Variants in CRTC1 observed in about 807,000 individuals in gnomAD.
The protein encoded by CRTC1 is CREB-regulated transcription coactivator 1.
In CRTC1, 18 loss-of-function variants were observed where a neutral mutation model predicts 66.1. The observed-to-expected ratio is 0.27, with a 90% CI of 0.19 to 0.40. The LOEUF (loss-of-function observed/expected upper bound fraction) is 0.40, where lower values mean the gene tolerates loss of function less well. Among genes scored for constraint, CRTC1 ranks in the 10% least tolerant of loss-of-function variants. The probability of loss-of-function intolerance (pLI) is 1.00; values close to 1 mark genes in which losing one functional copy is unlikely to be tolerated. For synonymous variants in CRTC1, 416 were observed against 398.8 expected (o/e 1.04, Z -0.51); for missense variants, 669 against 887.9 (o/e 0.75, Z 3.13).
chr19:18,772,021 A>G (rs2054881062), intron 11 of CRTC1, among the ~76,000 whole-genome samples: 6 of 152,110 alleles, frequency 3.9e-5, no homozygotes, highest in Admixed American at 3.9e-4. Flanking sequence ...CTCCAGAACC[A>G]CTGGCCCAGG....
chr19:18,737,795 G>A (rs1255847561), intron 1 of CRTC1, among the ~76,000 whole-genome samples: 1 of 139,562 alleles, frequency 7.2e-6, no homozygotes, highest in East Asian at 2.2e-4. Flanking sequence ...CCAGCTCTAC[G>A]TGAAGGACGG....
chr19:18,749,632 G>A (rs2054319254), intron 4 of CRTC1, 149 bp from the exon 5 acceptor site: 1 of 646,850 alleles, frequency 1.5e-6, no homozygotes, highest in Admixed American at 2.5e-5. Flanking sequence ...TTTAGAATGA[G>A]GTCCCGAGAG....
At chr19:18,724,121 G>A (rs939053209) in intron 1 of CRTC1, among the ~76,000 whole-genome samples, 1 of 152,154 alleles carries the variant, frequency 6.6e-6, no homozygotes, top group Non-Finnish European at 1.5e-5. Context: ...GGCTCCAGGC[G>A]GGAACCGGCG....
rs559346021 is a variant in CRTC1 at position 18,774,848 on chromosome 19, T to C, written c.1426-52T>C. 8 of 1,584,378 alleles carry C rather than the reference T, an allele frequency of 5.0e-6. No homozygotes were observed. In the East Asian group the frequency reaches 1.6e-4, roughly 31 times the overall value. ...CCAGCCGGGCTTGGGAGGTGCCGAC[T>C]TCCCACCTGGCCTCAGGCCGTGACC... On this transcript the variant is annotated intron_variant, in intron 11 of 13. Coordinates refer to ENST00000321949, the MANE Select transcript of CRTC1 (RefSeq NM_015321.3).
chr19:18,740,123 C>T (rs1444291163), intron 1 of CRTC1, among the ~76,000 whole-genome samples: 6 of 151,934 alleles, frequency 3.9e-5, no homozygotes, highest in Non-Finnish European at 7.4e-5. Flanking sequence ...TGTGGTGTTG[C>T]ATACCTGTAA....
chr19:18,696,238 G>A (rs1600764008), intron 1 of CRTC1, among the ~76,000 whole-genome samples: 1 of 152,088 alleles, frequency 6.6e-6, no homozygotes, highest in South Asian at 2.1e-4. Context: ...GGAGTTGGCC[G>A]GCTGGTCAGG....
intron 1 of CRTC1, among the ~76,000 whole-genome samples, chr19:18,702,636 C>G (rs1334044557): frequency 6.6e-6 from 1 of 150,812 alleles, no homozygotes; most frequent in Non-Finnish European, 1.5e-5. Context: ...CGGGTTCAAG[C>G]GATTCTCCTG....
intron 4 of CRTC1, among the ~76,000 whole-genome samples, chr19:18,747,487 A>T (rs965318484): frequency 2.9e-4 from 44 of 151,932 alleles, no homozygotes; most frequent in African/African-American, 9.9e-4. Flanking sequence ...AAATACAAAA[A>T]TTTGCCAGCA....
intron 1 of CRTC1, among the ~76,000 whole-genome samples, chr19:18,701,224 G>A (rs1441685499): frequency 6.6e-6 from 1 of 152,262 alleles, no homozygotes; most frequent in Non-Finnish European, 1.5e-5. Context: ...AGAGCCCGGG[G>A]CTCATCACGC....
At chr19:18,751,169 GCTC>G (rs1251520173) in intron 5 of CRTC1, among the ~76,000 whole-genome samples, 2 of 152,182 alleles carry the variant, frequency 1.3e-5, no homozygotes, top group African/African-American at 4.8e-5. Context: ...ATCTGGCTGT[GCTC>G]ATCGTGGGTC....
chr19:18,761,255 T>C (rs1366934886), intron 8 of CRTC1, among the ~76,000 whole-genome samples: 1 of 152,234 alleles, frequency 6.6e-6, no homozygotes, highest in Non-Finnish European at 1.5e-5. Context: ...TGCTGCTCCG[T>C]CCTTAGCTGT....
chr19:18,749,879 T>C lies in CRTC1; in HGVS notation c.538+4T>C, dbSNP rs2054325150. 6.8e-6 allele frequency: 11 copies of C among 1,612,378 alleles called. No individual in the cohort carries two copies. Among genetic ancestry groups the C allele is most frequent in the Non-Finnish European group, 9.3e-6 (11 of 1,178,662 alleles). On this transcript the variant is annotated splice_donor_region_variant and intron_variant, in intron 5 of 13. Coordinates refer to ENST00000321949, the MANE Select transcript of CRTC1 (RefSeq NM_015321.3). ...CAGGACGTGCACCAGAAAAGAGGTA[T>C]GGACAGGGGACTCGGGTGTCTCTGC...
At chr19:18,744,212 C>T (rs899969077) in intron 2 of CRTC1, 35 of 1,554,514 alleles carry the variant, frequency 2.3e-5, no homozygotes, top group African/African-American at 5.5e-5. Flanking sequence ...TGCAAGACCC[C>T]GACCCGTGTG....
chr19:18,739,826 G>A (rs1409389581), intron 1 of CRTC1, among the ~76,000 whole-genome samples: 1 of 152,174 alleles, frequency 6.6e-6, no homozygotes. Flanking sequence ...AGCCAGGCTG[G>A]GGAGGAAAGT....
At chr19:18,765,318 A>C in intron 8 of CRTC1, 86 bp from the exon 9 acceptor site, 5 of 1,519,644 alleles carry the variant, frequency 3.3e-6, no homozygotes, top group Non-Finnish European at 4.4e-6. Flanking sequence ...AGCTATTCCC[A>C]TGCAGTGTGA....
chr19:18,711,119 C>G (rs1273516265), intron 1 of CRTC1, among the ~76,000 whole-genome samples: 1 of 152,202 alleles, frequency 6.6e-6, no homozygotes, highest in East Asian at 1.9e-4. Context: ...AGGGTGAGAC[C>G]CGCATTCCCA....
intron 4 of CRTC1, among the ~76,000 whole-genome samples, chr19:18,747,420 T>G (rs2054271449): frequency 6.6e-6 from 1 of 151,950 alleles, no homozygotes; most frequent in African/African-American, 2.4e-5. Context: ...GCGGATCACT[T>G]GAGGTCAGGA....
intron 1 of CRTC1, among the ~76,000 whole-genome samples, chr19:18,725,779 A>G (rs1478213963): frequency 6.6e-6 from 1 of 151,694 alleles, no homozygotes; most frequent in African/African-American, 2.4e-5. Flanking sequence ...TTCCCCCAAC[A>G]CAGCCTGCAT....
At chr19:18,774,257 C>T (rs1375976304) in intron 11 of CRTC1, among the ~76,000 whole-genome samples, 1 of 152,188 alleles carries the variant, frequency 6.6e-6, no homozygotes, top group Non-Finnish European at 1.5e-5. Context: ...CTCCACCACC[C>T]ATAAGGTCCC....
Sources: allele counts gnomAD v4.1 joint callset (sites outside exome capture counted in the v4.1 genomes callset), GRCh38; gene constraint gnomAD v4.1.1; transcripts MANE v1.5; gene names NCBI Gene and HGNC (gene_info 2026-07-23, HGNC 2026-07-21).